The following CDH18 variants were observed in gnomAD, a reference collection of about 807,000 sequenced individuals.
CDH18 encodes cadherin 18.
CDH18 carries 31 observed loss-of-function variants against 67.9 expected under a neutral mutation model. That is an observed-to-expected ratio of 0.46 (90% CI 0.34 to 0.62). The LOEUF is 0.62. Ranked by LOEUF, CDH18 falls within the 20% of genes least tolerant of loss-of-function variation. The pLI is 0.01. For missense variants in CDH18, 890 were observed against 975.5 expected, an observed-to-expected ratio of 0.91 and a Z score of 1.17; for synonymous variants, 362 against 347.2, an observed-to-expected ratio of 1.04 and a Z score of -0.48.
intron 3 of CDH18, among the ~76,000 whole-genome samples, chr5:19,765,201 T>A (rs1257488663): frequency 1.3e-5 from 2 of 152,160 alleles, no homozygotes. Flanking sequence ...CCGCTATGTA[T>A]CAAGTGATGT....
chr5:20,554,670 G>A (rs866260951), intron 1 of CDH18, among the ~76,000 whole-genome samples: 4 of 152,102 alleles, frequency 2.6e-5, no homozygotes, highest in African/African-American at 4.8e-5. Flanking sequence ...CCACTCTCCC[G>A]TCAAAGGGGG....
intron 1 of CDH18, among the ~76,000 whole-genome samples, chr5:20,396,523 A>G (rs1359379411): frequency 6.6e-6 from 1 of 152,128 alleles, no homozygotes; most frequent in African/African-American, 2.4e-5. Flanking sequence ...ATCATAATAA[A>G]TGCTGATTAA....
chr5:19,957,739 T>C (rs146003657), intron 2 of CDH18, among the ~76,000 whole-genome samples: 98 of 152,144 alleles, frequency 6.4e-4, no homozygotes, highest in East Asian at 5.0e-3. Context: ...AAGAATTATA[T>C]ACATTTTTTT....
chr5:20,252,908 C>T lies in CDH18; in HGVS notation c.-518+2536G>A, dbSNP rs1382325517. 3.3e-5 allele frequency among the ~76,000 whole-genome samples: 5 copies of T among 151,188 alleles called. No individual in the cohort carries two copies. In the Admixed American group the frequency reaches 3.3e-4, roughly 10 times the overall value. On this transcript the variant is annotated intron_variant, in intron 2 of 14. Transcript: ENST00000507958. ...CCGAGATTGTGCCACTGCACTCCAG[C>T]CTGGGCAACAGAGCGAGACTCCACC...
At chr5:19,887,957 A>T (rs939897279) in intron 2 of CDH18, among the ~76,000 whole-genome samples, 11 of 152,180 alleles carry the variant, frequency 7.2e-5, no homozygotes, top group Middle Eastern at 6.8e-3. Flanking sequence ...AACATATGTC[A>T]AAAAGGCCAT....
At chr5:20,423,476 C>T (rs931822074) in intron 1 of CDH18, among the ~76,000 whole-genome samples, 4 of 150,940 alleles carry the variant, frequency 2.7e-5, no homozygotes, top group African/African-American at 9.9e-5. Context: ...AAAACTGTGT[C>T]TTGAAAGTCA....
intron 4 of CDH18, among the ~76,000 whole-genome samples, chr5:19,746,400 C>T (rs1003168333): frequency 6.6e-6 from 1 of 152,152 alleles, no homozygotes; most frequent in Non-Finnish European, 1.5e-5. Flanking sequence ...ATTCAAAATA[C>T]TTCACGGGGC....
intron 1 of CDH18, among the ~76,000 whole-genome samples, chr5:20,289,930 TTTG>T (rs578073533): frequency 1.3e-5 from 2 of 152,066 alleles, no homozygotes; most frequent in East Asian, 1.9e-4. Flanking sequence ...ATCGCTTAGT[TTTG>T]TTGTTAATAT....
chr5:19,581,807 T>A (rs948107448), intron 7 of CDH18, among the ~76,000 whole-genome samples: 1 of 150,460 alleles, frequency 6.6e-6, no homozygotes, highest in South Asian at 2.1e-4. Context: ...TATATTATGG[T>A]ATTTTGTCAA....
At chr5:20,335,804 A>G (rs544679748) in intron 1 of CDH18, among the ~76,000 whole-genome samples, 3 of 152,350 alleles carry the variant, frequency 2.0e-5, no homozygotes, top group African/African-American at 7.2e-5. Context: ...CAGGCAACTG[A>G]AAAGTATGTC....
chr5:20,080,086 T>C (rs1443697239), intron 2 of CDH18, among the ~76,000 whole-genome samples: 2 of 152,144 alleles, frequency 1.3e-5, no homozygotes, highest in East Asian at 3.9e-4. Flanking sequence ...ATTCAGTTCA[T>C]AGCAAGTATA....
intron 3 of CDH18, among the ~76,000 whole-genome samples, chr5:19,776,589 A>C (rs1019359831): frequency 1.3e-5 from 2 of 152,174 alleles, no homozygotes; most frequent in African/African-American, 4.8e-5. Context: ...AAAAGGCGTA[A>C]TGACAGTGTC....
At chr5:19,733,699 C>T (rs1767919561) in intron 4 of CDH18, among the ~76,000 whole-genome samples, 1 of 152,152 alleles carries the variant, frequency 6.6e-6, no homozygotes, top group Admixed American at 6.5e-5. Context: ...CCATGCTAGT[C>T]CTGGAGTCAT....
intron 1 of CDH18, among the ~76,000 whole-genome samples, chr5:20,509,104 A>C (rs1174472833): frequency 6.6e-6 from 1 of 152,196 alleles, no homozygotes; most frequent in Non-Finnish European, 1.5e-5. Context: ...AAAAGCACTT[A>C]AAATCTGCTC....
intron 2 of CDH18, among the ~76,000 whole-genome samples, chr5:19,917,967 G>A (rs771592070): frequency 5.9e-5 from 9 of 152,156 alleles, no homozygotes; most frequent in Non-Finnish European, 1.0e-4. Context: ...GCAGAGACGT[G>A]AGATGTGGGA....
At chr5:19,593,625 CCTCCTCCTT>C (rs1396891084) in intron 6 of CDH18, among the ~76,000 whole-genome samples, 2 of 137,782 alleles carry the variant, frequency 1.5e-5, no homozygotes, top group African/African-American at 2.7e-5. Flanking sequence ...TCCCGTTCTT[CCTCCTCCTT>C]CTCCTCCTTC....
At chr5:20,014,630 A>T (rs183920579) in intron 2 of CDH18, among the ~76,000 whole-genome samples, 29 of 152,310 alleles carry the variant, frequency 1.9e-4, no homozygotes, top group African/African-American at 6.0e-4. Flanking sequence ...TAAGAAAATG[A>T]AATCCAGTCA....
chr5:20,400,640 T>C (rs1230276157), intron 1 of CDH18, among the ~76,000 whole-genome samples: 1 of 149,360 alleles, frequency 6.7e-6, no homozygotes, highest in African/African-American at 2.5e-5. Context: ...CACACGCCTG[T>C]AATCCCAGCT....
At position 20,450,068 on chromosome 5, in the gene CDH18, T is replaced by C. The variant is rs892467074; in HGVS notation, c.-580+125394A>G. Among the ~76,000 whole-genome samples the C allele has an allele frequency of 1.3e-3, 194 of 152,238 alleles. 1 individual carries two copies. The highest frequency in any genetic ancestry group is 4.6e-3 in the African/African-American group (191 of 41,552). ...AGTATATTTTTCTGGCCGGGTGCAG[T>C]GGCTTACACATGTAATCCCAGCACT... On this transcript the variant is annotated intron_variant, in intron 1 of 14. Transcript: ENST00000507958.
Sources: gnomAD v4.1 joint callset for allele counts (sites outside exome capture counted in the v4.1 genomes callset) on GRCh38, gnomAD v4.1.1 for gene constraint, MANE v1.5 for transcripts, NCBI Gene and HGNC (gene_info 2026-07-23, HGNC 2026-07-21) for gene names.